KIF18A: variants seen among roughly 807,000 people sequenced by gnomAD.
KIF18A encodes kinesin family member 18A, also known as kinesin-like protein KIF18A.
Under a neutral mutation model 103.3 loss-of-function variants are expected in KIF18A, and 67 were observed. That is an observed-to-expected ratio of 0.65 (90% CI 0.53 to 0.79). KIF18A has a LOEUF of 0.79. Ranked by LOEUF, KIF18A falls within the 30% of genes least tolerant of loss-of-function variation. The probability of loss-of-function intolerance (pLI) is 0.00; values close to 1 mark genes in which losing one functional copy is unlikely to be tolerated. For synonymous variants in KIF18A, 367 were observed against 355.5 expected, an observed-to-expected ratio of 1.03 and a Z score of -0.36; for missense variants, 1,032 against 1,062.5, an observed-to-expected ratio of 0.97 and a Z score of 0.40.
intron 4 of KIF18A, among the ~76,000 whole-genome samples, chr11:28,091,148 A>G (rs1851297113): frequency 6.8e-6 from 1 of 146,304 alleles, no homozygotes; most frequent in Non-Finnish European, 1.5e-5. Flanking sequence ...ATAAATAAAT[A>G]AATACATACA....
At chr11:28,059,241 C>G in intron 12 of KIF18A, 80 bp from the exon 13 acceptor site, 1 of 941,292 alleles carries the variant, frequency 1.1e-6, no homozygotes, top group Non-Finnish European at 1.7e-6. Flanking sequence ...ATGTAACACC[C>G]AAAGCATTAG....
At chr11:28,051,458 C>G (rs1257918967) in intron 13 of KIF18A, among the ~76,000 whole-genome samples, 1 of 151,726 alleles carries the variant, frequency 6.6e-6, no homozygotes, top group African/African-American at 2.4e-5. Context: ...GAATGCTAGT[C>G]TCCTTGGAAA....
In KIF18A at chr11:28,036,631, A is replaced by C. The variant is rs1386552041; in HGVS notation, c.1982T>G (p.Ile661Ser). Residue 661 changes from isoleucine (I) to serine (S), a missense_variant, in exon 14 of 17, where the codon ATT becomes AGT. Ile to Ser is a moderately radical substitution (Grantham distance 142). Transcript: ENST00000263181. Reference sequence around the variant, plus strand: ...TCTCCGAGTTCTTTTTTCTGTAGGAATCTTAACCAGATTAGTTCCACCTGA... The same window carrying C: ...TCTCCGAGTTCTTTTTTCTGTAGGACTCTTAACCAGATTAGTTCCACCTGA... ...SSSGGTNLVK[I>S]PTEKRTRRKL... is the part of the protein sequence containing the mutation. 1.2e-6 allele frequency: 2 copies of C among 1,609,014 alleles called. No individual in the cohort carries two copies. The highest frequency in any genetic ancestry group is 1.7e-6 in the Non-Finnish European group (2 of 1,177,120).
chr11:28,066,821 A>C (rs1267779706), intron 11 of KIF18A, among the ~76,000 whole-genome samples: 1 of 121,476 alleles, frequency 8.2e-6, no homozygotes, highest in African/African-American at 3.1e-5. Context: ...ATATTATATT[A>C]TATTATATTA....
At chr11:28,076,935 GAAAA>G (rs11433506) in intron 10 of KIF18A, 68 bp downstream of exon 10, 470 of 294,432 alleles carry the variant, frequency 1.6e-3, no homozygotes, top group Middle Eastern at 2.5e-3. Context: ...GACTCCTTCT[GAAAA>G]AAAAAAAAAA....
At chr11:28,097,004 C>A (rs1458181075) in intron 2 of KIF18A, among the ~76,000 whole-genome samples, 4 of 151,888 alleles carry the variant, frequency 2.6e-5, no homozygotes, top group African/African-American at 9.7e-5. Context: ...GGGATCTTAA[C>A]ACTTTTACCC....
At chr11:28,092,142 G>C (rs1416310906) in intron 3 of KIF18A, among the ~76,000 whole-genome samples, 1 of 152,170 alleles carries the variant, frequency 6.6e-6, no homozygotes, top group East Asian at 1.9e-4. Context: ...GAAATGTATG[G>C]AACACACGGT....
intron 8 of KIF18A, 100 bp from the exon 9 acceptor site, chr11:28,083,068 T>C: frequency 1.4e-6 from 2 of 1,477,498 alleles, no homozygotes; most frequent in South Asian, 2.6e-5. Context: ...CAGATTTTAA[T>C]TTTAATAGAA....
chr11:28,025,289 T>A (rs1041801442), intron 15 of KIF18A, among the ~76,000 whole-genome samples: 23 of 152,124 alleles, frequency 1.5e-4, no homozygotes, highest in African/African-American at 4.8e-4. Context: ...GATAAATTAC[T>A]ATGATTCTGT....
intron 9 of KIF18A, 57 bp downstream of exon 9, chr11:28,082,795 ATACT>A: frequency 9.8e-7 from 1 of 1,016,844 alleles, no homozygotes; most frequent in Non-Finnish European, 1.5e-6. Flanking sequence ...TTAACATAAA[ATACT>A]TAACAAAATT....
At chr11:28,102,803 T>TA (rs1851463185) in intron 1 of KIF18A, among the ~76,000 whole-genome samples, 1 of 152,220 alleles carries the variant, frequency 6.6e-6, no homozygotes, top group South Asian at 2.1e-4. Context: ...CAAATATACT[T>TA]ACATCTGCAG....
chr11:28,088,785 T>C, intron 5 of KIF18A, 64 bp from the exon 6 acceptor site: 2 of 1,221,394 alleles, frequency 1.6e-6, no homozygotes, highest in Non-Finnish European at 2.4e-6. Context: ...AAGGGAAATA[T>C]ATACTTTAAT....
chr11:28,104,487 T>C (rs2133571746), intron 1 of KIF18A, among the ~76,000 whole-genome samples: 1 of 152,292 alleles, frequency 6.6e-6, no homozygotes, highest in East Asian at 1.9e-4. Flanking sequence ...TATTTGCAAA[T>C]TGTAATCCCT....
intron 12 of KIF18A, among the ~76,000 whole-genome samples, chr11:28,060,518 A>G (rs1590686479): frequency 6.6e-6 from 1 of 152,316 alleles, no homozygotes; most frequent in East Asian, 1.9e-4. Context: ...AGAAAAAGTT[A>G]TTAATCAAAG....
intron 9 of KIF18A, among the ~76,000 whole-genome samples, chr11:28,078,649 T>A (rs536524210): frequency 2.6e-5 from 4 of 152,140 alleles, no homozygotes; most frequent in Admixed American, 2.0e-4. Context: ...ACTCCACAAT[T>A]TTCTTGGTAT....
intron 13 of KIF18A, among the ~76,000 whole-genome samples, chr11:28,048,575 T>G (rs1850669815): frequency 6.6e-6 from 1 of 152,092 alleles, no homozygotes; most frequent in Non-Finnish European, 1.5e-5. Flanking sequence ...TTCAGTAGGC[T>G]ATTAAAACTA....
intron 11 of KIF18A, among the ~76,000 whole-genome samples, chr11:28,064,121 T>C (rs1482882630): frequency 6.6e-6 from 1 of 151,194 alleles, no homozygotes; most frequent in African/African-American, 2.4e-5. Context: ...ATATAATTCA[T>C]TATACTTCAA....
rs964741353 is a variant in KIF18A, at chr11:28,021,091, C to T, written c.*109G>A. 2 of 1,089,522 alleles carry T rather than the reference C, an allele frequency of 1.8e-6. No homozygotes were observed. Among genetic ancestry groups the T allele is most frequent in the Non-Finnish European group, 2.4e-6 (2 of 848,886 alleles). The allele number at this position is 1,089,522 out of a possible 1,614,324, so 67.5% of individuals were successfully genotyped here. On this transcript the variant is annotated 3_prime_UTR_variant, in exon 17 of 17. Transcript: ENST00000263181. ...GCTGAAAGTACTTGGGTAAACTTAG[C>T]TTTAAGATGGGTCTTCTTTCAAAGA...
intron 13 of KIF18A, among the ~76,000 whole-genome samples, chr11:28,039,378 G>T (rs1229798188): frequency 6.6e-6 from 1 of 151,670 alleles, no homozygotes; most frequent in Non-Finnish European, 1.5e-5. Flanking sequence ...AGGTATTATT[G>T]AAACAGGTAT....
Sources: gnomAD v4.1 joint callset for allele counts (sites outside exome capture counted in the v4.1 genomes callset) on GRCh38, gnomAD v4.1.1 for gene constraint, MANE v1.5 for transcripts, NCBI Gene and HGNC (gene_info 2026-07-23, HGNC 2026-07-21) for gene names.